SDK1: variants seen among roughly 807,000 people sequenced by gnomAD.
SDK1 encodes sidekick cell adhesion molecule 1.
A neutral mutation model predicts 245.5 loss-of-function variants in SDK1; 157 were observed. That is an observed-to-expected ratio of 0.64 (90% confidence interval 0.56 to 0.73). The LOEUF is 0.73. SDK1 is among the 30% of genes least tolerant of loss of function. The pLI is 0.00. For missense variants in SDK1, 3,583 were observed against 3,002.3 expected (o/e 1.19, Z -4.52); for synonymous variants, 1,647 against 1,278.5 (o/e 1.29, Z -6.15).
At chr7:3,646,770 A>G (rs777910782) in intron 4 of SDK1, among the ~76,000 whole-genome samples, 10 of 152,210 alleles carry the variant, frequency 6.6e-5, no homozygotes, top group African/African-American at 1.2e-4. Context: ...GAGGGGTTGA[A>G]AAGTGTCAGA....
rs1359460454 is a variant in SDK1, at chr7:3,971,557, G to A, written c.1806G>A (p.Arg602=). The part of the protein sequence containing the change: ...TLHCGATHDP[R]VSLRYVWKKD... ...ACTGTGGTGCCACACATGACCCCCG[G>A]GTTTCACTCCGGTCAGCACAATCAG... is the stretch of plus-strand genomic sequence containing the variant. Residue 602 remains arginine, a synonymous_variant, in exon 12 of 45, where the codon CGG becomes CGA. Transcript: ENST00000404826. 1 of 1,611,326 alleles carries A rather than the reference G, an allele frequency of 6.2e-7. No homozygotes were observed. Among genetic ancestry groups the A allele is most frequent in the South Asian group, 1.1e-5 (1 of 90,534 alleles).
chr7:3,800,754 C>A (rs1779088217), intron 4 of SDK1, among the ~76,000 whole-genome samples: 1 of 152,090 alleles, frequency 6.6e-6, no homozygotes, highest in Non-Finnish European at 1.5e-5. Flanking sequence ...CTGGATCACT[C>A]CTAAATATAC....
chr7:3,935,668 A>G (rs1267542290), intron 5 of SDK1, among the ~76,000 whole-genome samples: 1 of 152,244 alleles, frequency 6.6e-6, no homozygotes, highest in Non-Finnish European at 1.5e-5. Context: ...AATTAAAACC[A>G]CAATGAAAGA....
chr7:4,000,935 GT>G (rs1247895474), intron 14 of SDK1, among the ~76,000 whole-genome samples: 1 of 152,160 alleles, frequency 6.6e-6, no homozygotes, highest in Non-Finnish European at 1.5e-5. Context: ...CCATGGCTGT[GT>G]TGGGGGCCCA....
chr7:4,019,145 T>G (rs1304792851), intron 17 of SDK1, among the ~76,000 whole-genome samples: 1 of 152,136 alleles, frequency 6.6e-6, no homozygotes, highest in East Asian at 1.9e-4. Context: ...GGACTGGGTA[T>G]AAAAACAGGA....
chr7:3,826,846 A>G (rs1779788078), intron 5 of SDK1, among the ~76,000 whole-genome samples: 1 of 152,258 alleles, frequency 6.6e-6, no homozygotes, highest in East Asian at 1.9e-4. Context: ...TACTAGGTCT[A>G]ATATTTCGTT....
At chr7:3,810,963 G>C (rs1223835102) in intron 4 of SDK1, among the ~76,000 whole-genome samples, 3 of 152,156 alleles carry the variant, frequency 2.0e-5, no homozygotes, top group Non-Finnish European at 4.4e-5. Context: ...TGATAATTCA[G>C]TGACCGAGCT....
At chr7:3,392,208 A>T (rs1334357590) in intron 1 of SDK1, among the ~76,000 whole-genome samples, 1 of 152,194 alleles carries the variant, frequency 6.6e-6, no homozygotes, top group African/African-American at 2.4e-5. Flanking sequence ...AGAGAAAAGC[A>T]TGATGAACCC....
Position 4,158,694 on chromosome 7 carries a change from C to G in SDK1, c.4729+143C>G, listed in dbSNP as rs1021734811. On this transcript the variant is annotated intron_variant, in intron 31 of 44. Transcript: ENST00000404826. ...AGAATTCCATTAGTGACAGACAGCT[C>G]GGAGGGTTTCCGCACAGCCTGTGGT... 12 of 616,844 alleles carry G rather than the reference C, an allele frequency of 1.9e-5. No individual in the cohort carries two copies. In the East Asian group the frequency reaches 2.5e-4, roughly 13 times the overall value. 38.2% of individuals were successfully genotyped at this position (616,844 alleles called of 1,614,324 possible).
At chr7:3,953,583 T>C (rs967956165) in intron 7 of SDK1, among the ~76,000 whole-genome samples, 3 of 152,234 alleles carry the variant, frequency 2.0e-5, no homozygotes, top group African/African-American at 7.2e-5. Context: ...TGTAAATCTC[T>C]AGTAGACAGG....
intron 1 of SDK1, among the ~76,000 whole-genome samples, chr7:3,435,596 C>T (rs1053949484): frequency 1.3e-5 from 2 of 151,890 alleles, no homozygotes; most frequent in African/African-American, 4.8e-5. Context: ...AACTCCTGAG[C>T]TCAGGCAATC....
At chr7:3,966,236 GTT>G (rs1205378560) in intron 9 of SDK1, among the ~76,000 whole-genome samples, 1 of 152,124 alleles carries the variant, frequency 6.6e-6, no homozygotes, top group Non-Finnish European at 1.5e-5. Flanking sequence ...TGGCAGTGAA[GTT>G]TCTGGGACTT....
chr7:3,564,596 A>G (rs1779850089), intron 1 of SDK1, among the ~76,000 whole-genome samples: 2 of 152,214 alleles, frequency 1.3e-5, no homozygotes, highest in East Asian at 1.9e-4. Context: ...TACTTAATAA[A>G]TTTGGGGGAA....
chr7:3,431,219 A>C (rs901037502), intron 1 of SDK1, among the ~76,000 whole-genome samples: 10 of 152,108 alleles, frequency 6.6e-5, no homozygotes, highest in Admixed American at 2.0e-4. Context: ...CTTTTAAACT[A>C]AGAAAACAAT....
At chr7:3,861,943 A>T (rs1359692073) in intron 5 of SDK1, among the ~76,000 whole-genome samples, 1 of 152,172 alleles carries the variant, frequency 6.6e-6, no homozygotes, top group Non-Finnish European at 1.5e-5. Context: ...CTACACAAAA[A>T]CCTGCAGAGC....
intron 7 of SDK1, among the ~76,000 whole-genome samples, chr7:3,956,827 G>T (rs761667828): frequency 1.3e-5 from 2 of 152,192 alleles, no homozygotes; most frequent in African/African-American, 4.8e-5. Flanking sequence ...CCAGAGCCAT[G>T]CACTTGCTCA....
chr7:4,065,818 A>G (rs1359085920), intron 19 of SDK1, among the ~76,000 whole-genome samples: 3 of 150,086 alleles, frequency 2.0e-5, no homozygotes, highest in Non-Finnish European at 4.4e-5. Flanking sequence ...AATTCACCCT[A>G]AAAATCTAAT....
At chr7:3,392,546 A>G (rs1480137990) in intron 1 of SDK1, among the ~76,000 whole-genome samples, 1 of 152,152 alleles carries the variant, frequency 6.6e-6, no homozygotes, top group Non-Finnish European at 1.5e-5. Context: ...GGCCATCACC[A>G]TTATTTATTT....
intron 4 of SDK1, among the ~76,000 whole-genome samples, chr7:3,659,754 C>T (rs536408132): frequency 2.6e-5 from 4 of 152,278 alleles, no homozygotes; most frequent in South Asian, 2.1e-4. Flanking sequence ...GGAGAGAATA[C>T]GTAGGAAGCT....
Sources: gnomAD v4.1 joint callset for allele counts (sites outside exome capture counted in the v4.1 genomes callset) on GRCh38, gnomAD v4.1.1 for gene constraint, MANE v1.5 for transcripts, NCBI Gene and HGNC (gene_info 2026-07-23, HGNC 2026-07-21) for gene names.